Variants in ARHGAP12 observed in about 807,000 individuals in gnomAD.
The protein encoded by ARHGAP12 is Rho GTPase activating protein 12.
A neutral mutation model predicts 108.6 loss-of-function variants in ARHGAP12; 64 were observed. The ratio of observed to expected loss-of-function variants is 0.59; its 90% confidence interval spans 0.48 to 0.73. ARHGAP12 has a LOEUF of 0.73. Ranked by LOEUF, ARHGAP12 falls within the 30% of genes least tolerant of loss-of-function variation. The pLI, the probability that ARHGAP12 is intolerant of heterozygous loss-of-function variation, is 0.00. For synonymous variants in ARHGAP12, 312 were observed against 337.2 expected (o/e 0.93, Z 0.82); for missense variants, 940 against 1,005.9 (o/e 0.93, Z 0.89).
intron 6 of ARHGAP12, among the ~76,000 whole-genome samples, chr10:31,846,452 A>G: frequency 6.6e-6 from 1 of 152,216 alleles, no homozygotes; most frequent in African/African-American, 2.4e-5. Flanking sequence ...ATGTCCTTAT[A>G]TTACTTTTAT....
At chr10:31,848,643 T>C (rs1005807250) in intron 6 of ARHGAP12, among the ~76,000 whole-genome samples, 21 of 152,228 alleles carry the variant, frequency 1.4e-4, no homozygotes, top group African/African-American at 5.1e-4. Flanking sequence ...ATCTTGAAGA[T>C]TTCTAATTTA....
chr10:31,824,403 T>C (rs1036434977), intron 11 of ARHGAP12, among the ~76,000 whole-genome samples: 1 of 152,130 alleles, frequency 6.6e-6, no homozygotes, highest in African/African-American at 2.4e-5. Context: ...AATTAAAAAT[T>C]CATTGAGAAT....
rs139094829 is a variant in ARHGAP12 at position 31,851,548 on chromosome 10, G to A, written c.1170+969C>T. ...TCTCTTCTGCTACTTGGTCAACTCA[G>A]ACTCACAAAGGTATTCTTAAAAATC... On this transcript the variant is annotated intron_variant, in intron 6 of 19. Coordinates refer to ENST00000344936, the MANE Select transcript of ARHGAP12 (RefSeq NM_018287.7). Among the ~76,000 whole-genome samples the A allele has an allele frequency of 1.9e-3, 289 of 152,216 alleles. 3 individuals are homozygous for A. Among genetic ancestry groups the A allele is most frequent in the African/African-American group, 6.7e-3 (280 of 41,526 alleles).
intron 7 of ARHGAP12, among the ~76,000 whole-genome samples, chr10:31,840,304 A>T (rs995681686): frequency 2.6e-5 from 4 of 152,188 alleles, no homozygotes; most frequent in Admixed American, 1.3e-4. Context: ...CAGAAAAAAA[A>T]ATTTTAATGT....
intron 1 of ARHGAP12, among the ~76,000 whole-genome samples, chr10:31,921,396 C>T (rs912696295): frequency 2.0e-5 from 3 of 152,010 alleles, no homozygotes; most frequent in African/African-American, 7.2e-5. Flanking sequence ...GCACTAAATG[C>T]CAGAAAAAAC....
intron 10 of ARHGAP12, among the ~76,000 whole-genome samples, chr10:31,828,747 A>G (rs977511676): frequency 2.0e-5 from 3 of 152,184 alleles, no homozygotes; most frequent in African/African-American, 7.2e-5. Context: ...ACTGATGTAC[A>G]TACTATAGTT....
intron 3 of ARHGAP12, among the ~76,000 whole-genome samples, chr10:31,871,098 C>T (rs1837526450): frequency 6.6e-6 from 1 of 152,132 alleles, no homozygotes; most frequent in South Asian, 2.1e-4. Flanking sequence ...AGGTGAGACA[C>T]AGCATGCAGA....
At chr10:31,900,737 T>C (rs1261266465) in intron 3 of ARHGAP12, among the ~76,000 whole-genome samples, 1 of 152,192 alleles carries the variant, frequency 6.6e-6, no homozygotes, top group Non-Finnish European at 1.5e-5. Flanking sequence ...AGTAATTACA[T>C]CCTGTATGGT....
At chr10:31,920,731 A>T (rs1839771860) in intron 1 of ARHGAP12, among the ~76,000 whole-genome samples, 1 of 152,202 alleles carries the variant, frequency 6.6e-6, no homozygotes, top group Admixed American at 6.5e-5. Flanking sequence ...CAGAAACTAG[A>T]GTATTTACAT....
intron 1 of ARHGAP12, among the ~76,000 whole-genome samples, chr10:31,910,792 C>T (rs537598130): frequency 7.3e-4 from 111 of 152,296 alleles, no homozygotes; most frequent in African/African-American, 2.6e-3. Flanking sequence ...ACTGTACTTC[C>T]ACACTGTCTC....
chr10:31,905,581 T>C (rs1346535366), intron 3 of ARHGAP12, among the ~76,000 whole-genome samples: 1 of 152,084 alleles, frequency 6.6e-6, no homozygotes, highest in African/African-American at 2.4e-5. Flanking sequence ...AGATAAAAGA[T>C]GCTCAGACGG....
intron 3 of ARHGAP12, among the ~76,000 whole-genome samples, chr10:31,865,056 G>T (rs1370977279): frequency 6.6e-6 from 1 of 152,152 alleles, no homozygotes; most frequent in Non-Finnish European, 1.5e-5. Flanking sequence ...TTCAGGGAAT[G>T]ATGCTGACAT....
chr10:31,822,028 C>G (rs867986805), intron 11 of ARHGAP12, among the ~76,000 whole-genome samples: 3 of 151,416 alleles, frequency 2.0e-5, no homozygotes, highest in Admixed American at 6.6e-5. Flanking sequence ...AATAAGCAAC[C>G]AAATAAGATA....
At chr10:31,815,038 G>C (rs1051722987) in intron 13 of ARHGAP12, among the ~76,000 whole-genome samples, 1 of 151,082 alleles carries the variant, frequency 6.6e-6, no homozygotes, top group Non-Finnish European at 1.5e-5. Context: ...GAGAATCGGC[G>C]TGAACCTGGG....
At chr10:31,830,303 T>C (rs1296934694) in intron 10 of ARHGAP12, among the ~76,000 whole-genome samples, 2 of 152,020 alleles carry the variant, frequency 1.3e-5, no homozygotes, top group Non-Finnish European at 2.9e-5. Flanking sequence ...CTCAACTCAA[T>C]GTAAATAAAT....
intron 3 of ARHGAP12, among the ~76,000 whole-genome samples, chr10:31,891,947 C>T (rs993826037): frequency 1.3e-5 from 2 of 152,162 alleles, no homozygotes; most frequent in African/African-American, 4.8e-5. Flanking sequence ...CATTTAAGGC[C>T]TTCTCCACAT....
intron 16 of ARHGAP12, among the ~76,000 whole-genome samples, chr10:31,810,118 G>A (rs1377788525): frequency 6.6e-6 from 1 of 152,066 alleles, no homozygotes; most frequent in Admixed American, 6.5e-5. Flanking sequence ...ATATACTAAT[G>A]TATATAAAAC....
At chr10:31,847,352 G>A (rs1836501052) in intron 6 of ARHGAP12, among the ~76,000 whole-genome samples, 1 of 152,110 alleles carries the variant, frequency 6.6e-6, no homozygotes, top group Non-Finnish European at 1.5e-5. Context: ...TTAGCAGGTT[G>A]TGAACCCCAG....
chr10:31,872,193 T>C (rs1266509090), intron 3 of ARHGAP12, among the ~76,000 whole-genome samples: 40 of 152,164 alleles, frequency 2.6e-4, no homozygotes, highest in Admixed American at 2.6e-3. Context: ...CTAAATAATC[T>C]ATCATGAAAT....
Sources: allele counts gnomAD v4.1 joint callset (sites outside exome capture counted in the v4.1 genomes callset), GRCh38; gene constraint gnomAD v4.1.1; transcripts MANE v1.5; gene names NCBI Gene and HGNC (gene_info 2026-07-23, HGNC 2026-07-21).